Variants in ZBTB20 observed in about 807,000 individuals in gnomAD.
ZBTB20 encodes the protein zinc finger and BTB domain-containing protein 20.
Under a neutral mutation model 56.9 loss-of-function variants are expected in ZBTB20, and 9 were observed. That is an observed-to-expected ratio of 0.16 (90% CI 0.10 to 0.28). ZBTB20 has a LOEUF of 0.28. ZBTB20 is among the 10% of genes least tolerant of loss of function. The pLI, the probability that ZBTB20 is intolerant of heterozygous loss-of-function variation, is 1.00. For missense variants in ZBTB20, 655 were observed against 1,003.0 expected (o/e 0.65, Z 4.69); for synonymous variants, 417 against 420.7 (o/e 0.99, Z 0.11).
chr3:114,822,381 T>C (rs72956275), intron 4 of ZBTB20, among the ~76,000 whole-genome samples: 21,207 of 98,372 alleles, frequency 0.22, 1,950 homozygotes, highest in African/African-American at 0.27. Flanking sequence ...GACAAACCAT[T>C]TCAATTAGGT....
chr3:114,398,102 C>G (rs754033494), intron 7 of ZBTB20, among the ~76,000 whole-genome samples: 1 of 152,064 alleles, frequency 6.6e-6, no homozygotes, highest in Non-Finnish European at 1.5e-5. Context: ...TTATATAGGA[C>G]TTTTTTCTCC....
chr3:114,511,923 T>C (rs1417173767), intron 6 of ZBTB20, among the ~76,000 whole-genome samples: 8 of 152,126 alleles, frequency 5.3e-5, no homozygotes, highest in Admixed American at 3.9e-4. Flanking sequence ...AATCAAGCTC[T>C]TATATCTAGG....
At chr3:114,580,824 A>G (rs1187183648) in intron 6 of ZBTB20, among the ~76,000 whole-genome samples, 1 of 151,914 alleles carries the variant, frequency 6.6e-6, no homozygotes, top group East Asian at 1.9e-4. Context: ...AGAGGGATAT[A>G]GTATGTCACT....
In ZBTB20 at chr3:114,613,044, A is replaced by AC. The variant is rs1463898549; in HGVS notation, c.-295+80483dup. 2.6e-5 allele frequency among the ~76,000 whole-genome samples: 4 copies of AC among 152,224 alleles called. No individual in the cohort carries two copies. In the East Asian group the frequency reaches 7.7e-4, roughly 29 times the overall value. ...TTAAAATGCAGATGAATAATGAATC[A>AC]CCTGTAAGATTAAAGCTCTAATTCC... On this transcript the variant is annotated intron_variant, in intron 6 of 11. Transcript: ENST00000675478.
intron 11 of ZBTB20, among the ~76,000 whole-genome samples, chr3:114,349,842 C>G (rs1002071247): frequency 2.0e-5 from 3 of 152,206 alleles, no homozygotes; most frequent in Non-Finnish European, 4.4e-5. Flanking sequence ...CACAAGGAAA[C>G]TGAAGTATAG....
chr3:114,988,980 C>A (rs1226192996), intron 2 of ZBTB20, among the ~76,000 whole-genome samples: 4 of 151,798 alleles, frequency 2.6e-5, no homozygotes, highest in African/African-American at 9.7e-5. Flanking sequence ...TGTTTGAGTT[C>A]TTTGTAGATT....
chr3:114,413,068 A>G (rs527456641), intron 7 of ZBTB20, among the ~76,000 whole-genome samples: 2 of 152,242 alleles, frequency 1.3e-5, no homozygotes, highest in African/African-American at 4.8e-5. Flanking sequence ...GGTAACGGCA[A>G]CTCATGGGTG....
Position 114,448,689 on chromosome 3 carries a change from T to C in ZBTB20, c.-255+51663A>G, listed in dbSNP as rs141535998. On this transcript the variant is annotated intron_variant, in intron 7 of 11. Coordinates refer to ENST00000675478, the MANE Select transcript of ZBTB20 (RefSeq NM_001348800.3). Reference sequence around the variant, plus strand: ...GTATCAGAAAAAACTTAAACGTTCATATAGCTGCATAAAATTCAGCAGCAT... The same window carrying C: ...GTATCAGAAAAAACTTAAACGTTCACATAGCTGCATAAAATTCAGCAGCAT... Among the ~76,000 whole-genome samples, 82 of 152,292 alleles carry C rather than the reference T, an allele frequency of 5.4e-4. 2 individuals carry two copies. Among genetic ancestry groups the C allele is most frequent in the Admixed American group, 5.4e-3 (82 of 15,292 alleles).
chr3:114,753,342 A>ATACACATACATG lies in ZBTB20; in HGVS notation c.-343+47758_-343+47759insCATGTATGTGTA, dbSNP rs1280533535. The stretch of plus-strand genomic sequence containing the variant: ...ATGTATACCTGTATATATAATGTAT[A>ATACACATACATG]TATGTATACATTATATATAATGTAT... On this transcript the variant is annotated intron_variant, in intron 5 of 11. Coordinates refer to ENST00000675478, the MANE Select transcript of ZBTB20 (RefSeq NM_001348800.3). 4.3e-4 allele frequency among the ~76,000 whole-genome samples: 54 copies of ATACACATACATG among 126,052 alleles called. 3 individuals are homozygous for ATACACATACATG. The highest frequency in any genetic ancestry group is 6.2e-4 in the Non-Finnish European group (38 of 60,958). 82.7% of individuals were successfully genotyped at this position (126,052 alleles called of 152,430 possible).
At chr3:114,414,721 A>G (rs1287311222) in intron 7 of ZBTB20, among the ~76,000 whole-genome samples, 1 of 147,836 alleles carries the variant, frequency 6.8e-6, no homozygotes, top group Non-Finnish European at 1.5e-5. Context: ...TATTTATATA[A>G]AATATATAAA....
intron 2 of ZBTB20, among the ~76,000 whole-genome samples, chr3:114,979,663 G>A (rs1381502543): frequency 2.6e-5 from 4 of 151,734 alleles, no homozygotes; most frequent in Non-Finnish European, 5.9e-5. Flanking sequence ...ATTTTAAAAG[G>A]CAAATGAAAG....
chr3:115,102,030 C>T (rs1360539676), intron 1 of ZBTB20, among the ~76,000 whole-genome samples: 2 of 152,132 alleles, frequency 1.3e-5, no homozygotes, highest in African/African-American at 4.8e-5. Context: ...ATCAATATTG[C>T]TTTAGCTATT....
chr3:114,582,662 G>T (rs1055093560), intron 6 of ZBTB20, among the ~76,000 whole-genome samples: 1 of 152,166 alleles, frequency 6.6e-6, no homozygotes, highest in Non-Finnish European at 1.5e-5. Context: ...TTATAGGCGT[G>T]AGCCACCATG....
chr3:114,789,472 A>C (rs2070783010), intron 5 of ZBTB20, among the ~76,000 whole-genome samples: 1 of 152,200 alleles, frequency 6.6e-6, no homozygotes, highest in Non-Finnish European at 1.5e-5. Context: ...CCAATGCATT[A>C]ACATTTTAAA....
intron 7 of ZBTB20, among the ~76,000 whole-genome samples, chr3:114,394,663 G>A (rs975026563): frequency 1.3e-5 from 2 of 152,166 alleles, no homozygotes; most frequent in Non-Finnish European, 2.9e-5. Context: ...AAGCTCCCAG[G>A]TGATGCTGAT....
At chr3:114,755,832 G>T (rs1312824753) in intron 5 of ZBTB20, among the ~76,000 whole-genome samples, 3 of 151,908 alleles carry the variant, frequency 2.0e-5, no homozygotes, top group African/African-American at 7.3e-5. Flanking sequence ...TGATTTCTTG[G>T]AAAACTAAGA....
At chr3:115,027,888 C>G (rs1407113046) in intron 2 of ZBTB20, among the ~76,000 whole-genome samples, 1 of 150,608 alleles carries the variant, frequency 6.6e-6, no homozygotes, top group Non-Finnish European at 1.5e-5. Context: ...ACAGGTGGTT[C>G]AAGAGCAAAT....
intron 5 of ZBTB20, among the ~76,000 whole-genome samples, chr3:114,777,487 T>G (rs1024157147): frequency 2.6e-5 from 4 of 151,776 alleles, no homozygotes; most frequent in Non-Finnish European, 4.4e-5. Flanking sequence ...AAAAAACACA[T>G]GAAAAAATGC....
intron 6 of ZBTB20, among the ~76,000 whole-genome samples, chr3:114,633,450 T>C (rs2059078392): frequency 6.6e-6 from 1 of 152,198 alleles, no homozygotes; most frequent in Non-Finnish European, 1.5e-5. Context: ...CATCAATGGC[T>C]ATGCTGCTGT....
Sources: gnomAD v4.1 joint callset for allele counts (sites outside exome capture counted in the v4.1 genomes callset) on GRCh38, gnomAD v4.1.1 for gene constraint, MANE v1.5 for transcripts, NCBI Gene and HGNC (gene_info 2026-07-23, HGNC 2026-07-21) for gene names.